RETREG1: variants seen among roughly 807,000 people sequenced by gnomAD.
The protein encoded by RETREG1 is family with sequence similarity 134 member B.
In RETREG1, 44 loss-of-function variants were observed where a neutral mutation model predicts 54.8. The observed-to-expected ratio is 0.80, with a 90% CI of 0.63 to 1.03. RETREG1 has a LOEUF of 1.03. Ranked by LOEUF, RETREG1 falls within the 50% of genes least tolerant of loss-of-function variation. RETREG1 has a pLI of 0.00. For synonymous variants in RETREG1, 217 were observed against 238.5 expected, an observed-to-expected ratio of 0.91 and a Z score of 0.83; for missense variants, 554 against 605.1, an observed-to-expected ratio of 0.92 and a Z score of 0.89.
chr5:16,533,580 C>A (rs1324396671), intron 3 of RETREG1, among the ~76,000 whole-genome samples: 1 of 151,988 alleles, frequency 6.6e-6, no homozygotes, highest in Non-Finnish European at 1.5e-5. Context: ...CCAAAGGGAG[C>A]CCCAAGGTGA....
At position 16,597,398 on chromosome 5, in the gene RETREG1, T is replaced by G. The variant is rs1258787128; in HGVS notation, c.320+19254A>C. ...ATCCTTATTCACTGATTTGTCACTG[T>G]ACCTTCATCATTAAATCCAAAAGCA... On this transcript the variant is annotated intron_variant, in intron 1 of 8. Coordinates refer to ENST00000306320, the MANE Select transcript of RETREG1 (RefSeq NM_001034850.3). This position sits in a 1 kb window ranked among gnomAD's most constrained non-coding sequence, Gnocchi z 4.3. 2.0e-5 allele frequency among the ~76,000 whole-genome samples: 3 copies of G among 152,246 alleles called. No homozygotes were observed. Among genetic ancestry groups the G allele is most frequent in the African/African-American group, 7.2e-5 (3 of 41,466 alleles).
chr5:16,537,168 AG>A (rs1226250986), intron 3 of RETREG1, among the ~76,000 whole-genome samples: 1 of 152,190 alleles, frequency 6.6e-6, no homozygotes, highest in Non-Finnish European at 1.5e-5. Flanking sequence ...AGCACATAAT[AG>A]GTTTCTGTAT....
intron 3 of RETREG1, among the ~76,000 whole-genome samples, chr5:16,521,225 C>T (rs1034787793): frequency 1.3e-5 from 2 of 152,158 alleles, no homozygotes; most frequent in Non-Finnish European, 2.9e-5. Flanking sequence ...TGCTATCTCT[C>T]TTCCTTCCCA....
At position 16,481,048 on chromosome 5, in the gene RETREG1, C is replaced by T. The variant is rs1738748948; in HGVS notation, c.631G>A (p.Gly211Arg). Reference sequence around the variant, plus strand: ...AGTATAACCCCAGGAATGTAACTTCCCAAGATCGTAAAAAATGTGCACACA... The same window carrying T: ...AGTATAACCCCAGGAATGTAACTTCTCAAGATCGTAAAAAATGTGCACACA... Reference protein sequence around the residue: ...CSVCTFFTILGSYIPGVILSY... With the variant: ...CSVCTFFTILRSYIPGVILSY... Residue 211 changes from glycine (G) to arginine (R), a missense_variant, in exon 5 of 9, where the codon GGA (glycine) becomes AGA (arginine). Gly to Arg is a moderately radical substitution (Grantham distance 125). This residue lies in a region of RETREG1 where 347 missense variants were observed against 412.3 expected (regional missense o/e 0.84). Coordinates refer to ENST00000306320, the MANE Select transcript of RETREG1 (RefSeq NM_001034850.3). 6.2e-6 allele frequency: 10 copies of T among 1,611,766 alleles called. No individual in the cohort carries two copies. In the South Asian group the frequency reaches 1.1e-4, roughly 18 times the overall value.
chr5:16,592,235 G>A (rs1481658151), intron 1 of RETREG1, among the ~76,000 whole-genome samples: 2 of 152,074 alleles, frequency 1.3e-5, no homozygotes, highest in South Asian at 4.2e-4. Context: ...CAAAAAGTGG[G>A]CAAAAGATAA....
chr5:16,521,304 TA>T (rs1215288500), intron 3 of RETREG1, among the ~76,000 whole-genome samples: 1 of 152,188 alleles, frequency 6.6e-6, no homozygotes, highest in African/African-American at 2.4e-5. Context: ...CCCCACAGTT[TA>T]AACACTTGTA....
chr5:16,612,754 T>A (rs1743385174), intron 1 of RETREG1, among the ~76,000 whole-genome samples: 1 of 152,184 alleles, frequency 6.6e-6, no homozygotes, highest in Non-Finnish European at 1.5e-5. Flanking sequence ...TTTTTTCATA[T>A]TTCAGTATTT....
intron 3 of RETREG1, among the ~76,000 whole-genome samples, chr5:16,534,748 C>T (rs1426493210): frequency 6.6e-6 from 1 of 152,218 alleles, no homozygotes; most frequent in East Asian, 1.9e-4. Flanking sequence ...AGAAGCCCCC[C>T]TCAGAATTAT....
chr5:16,608,939 T>C (rs757439158), intron 1 of RETREG1, among the ~76,000 whole-genome samples: 9 of 152,144 alleles, frequency 5.9e-5, no homozygotes, highest in Admixed American at 1.3e-4. Context: ...AGAGATGGGG[T>C]AGAAAAATCA....
chr5:16,565,610 G>A (rs1741983495), intron 3 of RETREG1, among the ~76,000 whole-genome samples, 153 bp downstream of exon 3: 1 of 152,044 alleles, frequency 6.6e-6, no homozygotes, highest in Admixed American at 6.5e-5. Context: ...GCCTCCGATT[G>A]ATGGTATTTT....
In RETREG1 at chr5:16,518,946, T is replaced by G. The variant is rs419157; in HGVS notation, c.459-35474A>C. Reference sequence around the variant, plus strand: ...AATTCAGAGAATGTATTATGCACTTTGCCAAAGAGAAATAAGGGTATGGAA... The same window carrying G: ...AATTCAGAGAATGTATTATGCACTTGGCCAAAGAGAAATAAGGGTATGGAA... On this transcript the variant is annotated intron_variant, in intron 3 of 8. Transcript: ENST00000306320. Among the ~76,000 whole-genome samples the G allele has an allele frequency of 5.9e-3, 906 of 152,286 alleles. 10 individuals carry two copies. The highest frequency in any genetic ancestry group is 0.02 in the African/African-American group (849 of 41,558).
intron 3 of RETREG1, among the ~76,000 whole-genome samples, chr5:16,544,727 T>C (rs1011879428): frequency 6.6e-6 from 1 of 152,218 alleles, no homozygotes; most frequent in Non-Finnish European, 1.5e-5. Context: ...AAATTAGTTG[T>C]CATGCATGCG....
chr5:16,575,142 T>C (rs993803389), intron 1 of RETREG1, among the ~76,000 whole-genome samples: 2 of 152,190 alleles, frequency 1.3e-5, no homozygotes, highest in African/African-American at 4.8e-5. Flanking sequence ...TATATTTACA[T>C]ACATATAAAT....
At chr5:16,559,410 T>C (rs1004777179) in intron 3 of RETREG1, among the ~76,000 whole-genome samples, 4 of 152,188 alleles carry the variant, frequency 2.6e-5, no homozygotes, top group Non-Finnish European at 5.9e-5. Context: ...GGCCATCAGA[T>C]GCAATGGCCT....
chr5:16,616,950 C>A lies in RETREG1; in HGVS notation c.22G>T (p.Glu8Ter). The change falls in exon 1 of 9, where the codon GAG becomes TAG. Residue 8 changes from glutamate to a stop codon, truncating the protein, a stop_gained. Transcript: ENST00000306320. LOFTEE classifies it high-confidence loss of function. Reference protein sequence around the residue: MASPAPPEHAEEGCPAPA... With the variant: MASPAPP ...GCCGGGCATCCCTCCTCGGCGTGCTCCGGAGGCGCCGGGCTCGCCATCTTC... is the reference window on the plus strand; with the variant it reads ...GCCGGGCATCCCTCCTCGGCGTGCTACGGAGGCGCCGGGCTCGCCATCTTC... The A allele has an allele frequency of 1.4e-6, 2 of 1,444,728 alleles. No individual in the cohort carries two copies. Among genetic ancestry groups the A allele is most frequent in the Non-Finnish European group, 1.8e-6 (2 of 1,103,818 alleles). 89.5% of individuals were successfully genotyped at this position (1,444,728 alleles called of 1,614,324 possible). A position where few individuals can be genotyped will look rare whatever the true frequency, so the allele number is the denominator to read the frequency against.
intron 3 of RETREG1, among the ~76,000 whole-genome samples, chr5:16,559,895 C>T (rs750043949): frequency 2.6e-5 from 4 of 152,094 alleles, no homozygotes; most frequent in Non-Finnish European, 4.4e-5. Context: ...TAGGAATGAA[C>T]CATAAAGATG....
At chr5:16,612,582 T>C (rs1279172129) in intron 1 of RETREG1, among the ~76,000 whole-genome samples, 1 of 152,216 alleles carries the variant, frequency 6.6e-6, no homozygotes, top group Admixed American at 6.5e-5. Flanking sequence ...ATTGGTGAAA[T>C]GAGTGAGATA....
At chr5:16,510,818 C>A (rs146250069) in intron 3 of RETREG1, among the ~76,000 whole-genome samples, 3,550 of 75,456 alleles carry the variant, frequency 0.047, 99 homozygotes, top group African/African-American at 0.057. Flanking sequence ...ACAACAACAA[C>A]AAAAAAAAAA....
In RETREG1 at chr5:16,473,580, A is replaced by C. The variant is rs912609014; in HGVS notation, c.*1161T>G. 1.3e-5 allele frequency: 2 copies of C among 152,572 alleles called. No individual in the cohort carries two copies. The highest frequency in any genetic ancestry group is 4.8e-5 in the African/African-American group (2 of 41,434). 9.5% of individuals were successfully genotyped at this position (152,572 alleles called of 1,614,324 possible). A position where few individuals can be genotyped will look rare whatever the true frequency, so the allele number is the denominator to read the frequency against. On this transcript the variant is annotated 3_prime_UTR_variant, in exon 9 of 9. Coordinates refer to ENST00000306320, the MANE Select transcript of RETREG1 (RefSeq NM_001034850.3). ...TTGCTGGCATGGTCCCTCGACACTT[A>C]AAGTTTATATCACAAAAACAAAACT...
Sources: allele counts gnomAD v4.1 joint callset (sites outside exome capture counted in the v4.1 genomes callset), GRCh38; gene constraint gnomAD v4.1.1; regional missense constraint gnomAD v4.1.1; non-coding constraint Gnocchi (gnomAD v3.1); transcripts MANE v1.5; gene names NCBI Gene and HGNC (gene_info 2026-07-23, HGNC 2026-07-21).